The following GPC6 variants were observed in gnomAD, a reference collection of about 807,000 sequenced individuals.
The protein encoded by GPC6 is glypican-6.
A neutral mutation model predicts 55.2 loss-of-function variants in GPC6; 14 were observed. The observed-to-expected ratio is 0.25, with a 90% CI of 0.17 to 0.40. The LOEUF (loss-of-function observed/expected upper bound fraction) is 0.40, where lower values mean the gene tolerates loss of function less well. Ranked by LOEUF, GPC6 falls within the 10% of genes least tolerant of loss-of-function variation. The pLI is 1.00. For synonymous variants in GPC6, 278 were observed against 259.6 expected (o/e 1.07, Z -0.68); for missense variants, 641 against 708.5 (o/e 0.90, Z 1.08).
chr13:93,304,232 G>T (rs541802065), intron 1 of GPC6, among the ~76,000 whole-genome samples: 1 of 152,202 alleles, frequency 6.6e-6, no homozygotes, highest in African/African-American at 2.4e-5. Flanking sequence ...GTGTTTGTTG[G>T]GATTTTGCAG....
At chr13:93,523,229 A>G (rs1288817075) in intron 1 of GPC6, among the ~76,000 whole-genome samples, 1 of 144,686 alleles carries the variant, frequency 6.9e-6, no homozygotes, top group Non-Finnish European at 1.5e-5. Flanking sequence ...GGGTACATAT[A>G]TACACATATG....
intron 1 of GPC6, among the ~76,000 whole-genome samples, chr13:93,435,851 C>T (rs1877551760): frequency 1.3e-5 from 2 of 152,136 alleles, no homozygotes; most frequent in South Asian, 4.1e-4. Context: ...TGTTGGATTG[C>T]TGACACCAGC....
intron 2 of GPC6, among the ~76,000 whole-genome samples, chr13:93,693,168 C>T (rs1594376911): frequency 6.6e-6 from 1 of 152,084 alleles, no homozygotes; most frequent in South Asian, 2.1e-4. Context: ...TAGGGTGATA[C>T]ACTAGTCAAG....
At chr13:93,319,648 G>C (rs916099246) in intron 1 of GPC6, among the ~76,000 whole-genome samples, 2 of 152,038 alleles carry the variant, frequency 1.3e-5, no homozygotes, top group African/African-American at 4.8e-5. Flanking sequence ...CAGAAAAAGA[G>C]CAGAACAAAT....
chr13:93,246,424 T>G (rs992198083), intron 1 of GPC6, among the ~76,000 whole-genome samples: 1 of 151,938 alleles, frequency 6.6e-6, no homozygotes, highest in Non-Finnish European at 1.5e-5. Flanking sequence ...TTTTTTTTCT[T>G]AAGATTGCAG....
At chr13:93,626,461 C>A (rs1351257213) in intron 2 of GPC6, among the ~76,000 whole-genome samples, 1 of 152,134 alleles carries the variant, frequency 6.6e-6, no homozygotes, top group Non-Finnish European at 1.5e-5. Context: ...TACAATTTTT[C>A]TGCCAATTTT....
rs146309684 is a variant in GPC6, at chr13:94,117,001, A to G, written c.877+89107A>G. 1.4e-4 allele frequency among the ~76,000 whole-genome samples: 22 copies of G among 152,098 alleles called. No homozygotes were observed. The East Asian group carries it at 3.3e-3, about 23-fold the overall frequency. Reference sequence around the variant, plus strand: ...TCTTTTCCCCCCCAAATACAGTACTATGTTTCTGAAGCCCATGAGATTACT... The same window carrying G: ...TCTTTTCCCCCCCAAATACAGTACTGTGTTTCTGAAGCCCATGAGATTACT... On this transcript the variant is annotated intron_variant, in intron 4 of 8. Transcript: ENST00000377047.
At chr13:93,667,710 A>T (rs1408014078) in intron 2 of GPC6, among the ~76,000 whole-genome samples, 1 of 142,104 alleles carries the variant, frequency 7.0e-6, no homozygotes, top group African/African-American at 3.0e-5. Flanking sequence ...TTATAGGTGT[A>T]AACCACCACA....
At chr13:93,366,353 C>T (rs1440242714) in intron 1 of GPC6, among the ~76,000 whole-genome samples, 2 of 152,010 alleles carry the variant, frequency 1.3e-5, no homozygotes, top group Admixed American at 1.3e-4. Context: ...GATGGAGCAG[C>T]ATGTCATCAA....
chr13:94,067,474 G>GTCTCTCTCTCTCTC (rs777653136), intron 4 of GPC6, among the ~76,000 whole-genome samples: 10 of 142,126 alleles, frequency 7.0e-5, no homozygotes, highest in African/African-American at 2.5e-4. Flanking sequence ...CTCTCTGTCT[G>GTCTCTCTCTCTCTC]TCTGTCTCTC....
chr13:93,789,891 T>C (rs1334464082), intron 2 of GPC6, among the ~76,000 whole-genome samples: 1 of 151,884 alleles, frequency 6.6e-6, no homozygotes, highest in East Asian at 1.9e-4. Context: ...CCTTTCTTTT[T>C]ATATTCTTAT....
At chr13:93,220,483 C>CA in the GPC6 span, among the ~76,000 whole-genome samples, 3 of 152,264 alleles carry the variant, frequency 2.0e-5, no homozygotes, top group East Asian at 5.8e-4. Flanking sequence ...TTATTAACTA[C>CA]AAAAATGCAA....
chr13:93,509,025 G>T lies in GPC6; in HGVS notation c.161-36238G>T, dbSNP rs77189119. Among the ~76,000 whole-genome samples the T allele has an allele frequency of 2.1e-3, 315 of 152,304 alleles. 7 individuals are homozygous for T. The East Asian group carries it at 0.055, about 27-fold the overall frequency. On this transcript the variant is annotated intron_variant, in intron 1 of 8. Transcript: ENST00000377047. The stretch of plus-strand genomic sequence containing the variant: ...TGACTCCACTGGGAAGATGGAGGGT[G>T]ATTGATGGCAGAGCAAGCCTTCAGA...
At chr13:94,322,739 T>C (rs9561535) in intron 6 of GPC6, among the ~76,000 whole-genome samples, 67,301 of 151,948 alleles carry the variant, frequency 0.44, 15,736 homozygotes, top group East Asian at 0.81. Context: ...TTGGCCATAT[T>C]TGTGGCAGCC....
At chr13:93,550,944 A>G (rs535338776) in intron 2 of GPC6, among the ~76,000 whole-genome samples, 1 of 152,310 alleles carries the variant, frequency 6.6e-6, no homozygotes, top group South Asian at 2.1e-4. Flanking sequence ...TGGGGGAGAC[A>G]TAAGTATAAA....
At position 94,306,013 on chromosome 13, in the gene GPC6, C is replaced by G. The variant is rs771116936; in HGVS notation, c.1042C>G (p.Pro348Ala). ...GGGATGTGGTCAGCCCAAACCTGCT[C>G]CAGCCCTCAGATCTGCCCGCTCAGC... Reference protein sequence around the residue: ...FQGCGQPKPAPALRSARSAPE... With the variant: ...FQGCGQPKPAAALRSARSAPE... The change falls in exon 6 of 9, where the codon CCA (proline) becomes GCA (alanine). Residue 348 changes from proline to alanine, a missense_variant. Coordinates refer to ENST00000377047, the MANE Select transcript of GPC6 (RefSeq NM_005708.5). 1 of 1,614,124 alleles carries G rather than the reference C, an allele frequency of 6.2e-7. No homozygotes were observed. Among genetic ancestry groups the G allele is most frequent in the South Asian group, 1.1e-5 (1 of 91,080 alleles).
intron 4 of GPC6, among the ~76,000 whole-genome samples, chr13:94,208,614 T>C (rs1399178987): frequency 6.6e-6 from 1 of 151,998 alleles, no homozygotes; most frequent in Non-Finnish European, 1.5e-5. Context: ...TCCTTTTTGT[T>C]CTTTCTCCTT....
At chr13:94,173,777 T>C (rs1029107796) in intron 4 of GPC6, among the ~76,000 whole-genome samples, 1 of 152,192 alleles carries the variant, frequency 6.6e-6, no homozygotes, top group African/African-American at 2.4e-5. Flanking sequence ...ATCCTGCTTC[T>C]TCTACAGGCT....
chr13:93,896,525 G>GT (rs1876021185), intron 3 of GPC6, among the ~76,000 whole-genome samples: 1 of 151,954 alleles, frequency 6.6e-6, no homozygotes, highest in East Asian at 1.9e-4. Context: ...TCAAAAAATT[G>GT]TTTTTTGTCC....
Sources: allele counts gnomAD v4.1 joint callset (sites outside exome capture counted in the v4.1 genomes callset), GRCh38; gene constraint gnomAD v4.1.1; transcripts MANE v1.5; gene names NCBI Gene and HGNC (gene_info 2026-07-23, HGNC 2026-07-21).